EGFL6: variants seen among roughly 807,000 people sequenced by gnomAD.
The protein encoded by EGFL6 is epidermal growth factor-like protein 6.
Under a neutral mutation model 43.1 loss-of-function variants are expected in EGFL6, and 42 were observed. The ratio of observed to expected loss-of-function variants is 0.98; its 90% CI spans 0.76 to 1.26. EGFL6 has a LOEUF of 1.26. EGFL6 is among the 50% of genes most tolerant of loss of function. The pLI is 0.00. For synonymous variants in EGFL6, 164 were observed against 163.2 expected, an observed-to-expected ratio of 1.01 and a Z score of -0.04; for missense variants, 429 against 427.8, an observed-to-expected ratio of 1.00 and a Z score of -0.02.
At chrX:13,573,772 T>C (rs1232459775) in intron 1 of EGFL6, among the ~76,000 whole-genome samples, 1 of 104,314 alleles carries the variant, frequency 9.6e-6, no homozygotes, top group East Asian at 2.8e-4. Flanking sequence ...GGTCTTCTGC[T>C]CTAAGACCAG....
chrX:13,593,688 T>G (rs1254157416), intron 2 of EGFL6, among the ~76,000 whole-genome samples: 1 of 111,917 alleles, frequency 8.9e-6, no homozygotes, highest in African/African-American at 3.3e-5. Flanking sequence ...ATTAGCTAGA[T>G]AGATAGTTGT....
intron 9 of EGFL6, among the ~76,000 whole-genome samples, chrX:13,622,747 G>A (rs2045755214): frequency 8.9e-6 from 1 of 112,535 alleles, no homozygotes; most frequent in Non-Finnish European, 1.9e-5. Context: ...GTGAATGAAT[G>A]GGCATAGTGT....
intron 7 of EGFL6, 126 bp from the exon 8 acceptor site, chrX:13,617,604 A>G (rs2045725790): frequency 3.7e-6 from 2 of 542,716 alleles, no homozygotes; most frequent in Non-Finnish European, 3.1e-6. Flanking sequence ...ATCAAATAGT[A>G]GAGCCTCATG....
Position 13,589,644 on chromosome X carries a change from A to G in EGFL6, c.163A>G (p.Arg55Gly), listed in dbSNP as rs749276441. 2.4e-5 allele frequency: 29 copies of G among 1,210,745 alleles called. No individual in the cohort carries two copies. The highest frequency in any genetic ancestry group is 3.1e-5 in the Non-Finnish European group (28 of 894,686). ...ACTGGCCTGCTGCTACGGCTGGAGA[A>G]GAAACAGCAAGGGAGTCTGTGAAGG... ...TKLACCYGWRRNSKGVCEATC... is the reference protein window; with the variant it reads ...TKLACCYGWRGNSKGVCEATC... The change falls in exon 2 of 12, where the codon AGA becomes GGA. Residue 55 changes from arginine to glycine, a missense_variant. Coordinates refer to ENST00000361306, the MANE Select transcript of EGFL6 (RefSeq NM_015507.4).
At position 13,599,919 on chromosome X, in the gene EGFL6, A is replaced by G; in HGVS notation, c.281-56A>G. On this transcript the variant is annotated intron_variant, in intron 3 of 11. Transcript: ENST00000361306. ...CCAAGACTGGGGTCTAATATTCCCC[A>G]TCTGGAAGTTTCCTGATTCAGTTCA... is the stretch of plus-strand genomic sequence containing the variant. The G allele has an allele frequency of 3.4e-6, 4 of 1,184,577 alleles. No individual in the cohort carries two copies. In the African/African-American group the frequency reaches 7.0e-5, roughly 21 times the overall value.
chrX:13,599,754 T>C (rs1475970549), intron 3 of EGFL6, among the ~76,000 whole-genome samples: 2 of 110,521 alleles, frequency 1.8e-5, no homozygotes, highest in African/African-American at 6.6e-5. Context: ...CAAAGTGTTG[T>C]ACCAATTTAC....
chrX:13,623,631 C>T (rs777605333), intron 9 of EGFL6, among the ~76,000 whole-genome samples, 193 bp from the exon 10 acceptor site: 1 of 108,276 alleles, frequency 9.2e-6, no homozygotes, highest in Non-Finnish European at 1.9e-5. Flanking sequence ...CTCAGCCTCC[C>T]AAAGCTTTTT....
intron 11 of EGFL6, among the ~76,000 whole-genome samples, chrX:13,631,927 A>G (rs2045813224): frequency 8.9e-6 from 1 of 112,235 alleles, no homozygotes; most frequent in Non-Finnish European, 1.9e-5. Context: ...ATTTTGTTAA[A>G]TGAGTCCCCT....
At position 13,594,893 on chromosome X, in the gene EGFL6, G is replaced by T; in HGVS notation, c.245G>T (p.Cys82Phe). 8.3e-7 allele frequency: 1 copy of T among 1,210,923 alleles called. No homozygotes were observed. Among genetic ancestry groups the T allele is most frequent in the Non-Finnish European group, 1.1e-6 (1 of 894,847 alleles). ...GECVGPNKCR[C>F]FPGYTGKTCS... The stretch of plus-strand genomic sequence containing the variant: ...TGCGTGGGACCAAACAAATGCAGAT[G>T]CTTTCCAGGATACACCGGGAAAACC... The change falls in exon 3 of 12, where the codon TGC (cysteine) becomes TTC (phenylalanine). Residue 82 changes from cysteine (C) to phenylalanine (F), a missense_variant. Cys to Phe is a radical substitution (Grantham distance 205, BLOSUM62 -2). Transcript: ENST00000361306.
intron 1 of EGFL6, among the ~76,000 whole-genome samples, chrX:13,586,250 G>A (rs2045533010): frequency 1.8e-5 from 2 of 111,831 alleles, no homozygotes; most frequent in Non-Finnish European, 3.8e-5. Context: ...AACAAGTGCT[G>A]GTGAGGATGT....
chrX:13,602,669 A>C (rs1438880067), intron 4 of EGFL6, among the ~76,000 whole-genome samples: 1 of 111,672 alleles, frequency 9.0e-6, no homozygotes, highest in Admixed American at 9.5e-5. Flanking sequence ...TATCTTTTCC[A>C]GAAGCCCCAC....
intron 1 of EGFL6, among the ~76,000 whole-genome samples, chrX:13,580,009 A>G (rs2045496722): frequency 9.0e-6 from 1 of 111,430 alleles, no homozygotes; most frequent in Non-Finnish European, 1.9e-5. Flanking sequence ...CATCACTCCC[A>G]CAGTATTCTT....
chrX:13,612,332 C>T (rs1479248642), intron 7 of EGFL6, among the ~76,000 whole-genome samples: 1 of 107,911 alleles, frequency 9.3e-6, no homozygotes, highest in Non-Finnish European at 1.9e-5. Flanking sequence ...TTAGTGGACA[C>T]AGCACATGTT....
At chrX:13,601,645 G>A (rs59007110) in intron 4 of EGFL6, among the ~76,000 whole-genome samples, 1,382 of 112,170 alleles carry the variant, frequency 0.012, 19 homozygotes, top group African/African-American at 0.042. Flanking sequence ...CACCAGTCAC[G>A]TAGATCTTCT....
At chrX:13,598,821 ATTCATATATATAT>A (rs939063376) in intron 3 of EGFL6, among the ~76,000 whole-genome samples, 11 of 101,962 alleles carry the variant, frequency 1.1e-4, no homozygotes, top group African/African-American at 1.8e-4. Flanking sequence ...CATATATATA[ATTCATATATATAT>A]TTCATATATA....
At chrX:13,569,980 A>T (rs1273674985) in intron 1 of EGFL6, 45 bp downstream of exon 1, 1 of 1,176,973 alleles carries the variant, frequency 8.5e-7, no homozygotes, top group Non-Finnish European at 1.2e-6. Flanking sequence ...CCCCGGCCTG[A>T]GGTCCCGCTT....
intron 10 of EGFL6, chrX:13,625,054 T>G (rs1184858363): frequency 8.9e-6 from 1 of 112,042 alleles, no homozygotes; most frequent in Non-Finnish European, 1.9e-5. Flanking sequence ...CAGAGCTATA[T>G]CATATTGGGA....
intron 11 of EGFL6, among the ~76,000 whole-genome samples, chrX:13,631,259 G>A: frequency 9.0e-6 from 1 of 111,559 alleles, no homozygotes; most frequent in Non-Finnish European, 1.9e-5. Flanking sequence ...CTCTAAATCT[G>A]CTTATTTCGG....
rs759918341 is a variant in EGFL6 at position 13,623,910 on chromosome X, G to A, written c.1270G>A (p.Ala424Thr). 3 of 1,196,139 alleles carry A rather than the reference G, an allele frequency of 2.5e-6. No individual in the cohort carries two copies. The African/African-American group carries it at 5.3e-5, about 21-fold the overall frequency. The part of the protein sequence containing the change: ...DREDDFDWNP[A>T]DRDNAIGFYM... The stretch of plus-strand genomic sequence containing the variant: ...AGAAGATGATTTTGACTGGAATCCT[G>A]CTGATCGAGATAATGGTATTTATAT... The change falls in exon 10 of 12, where the codon GCT becomes ACT. Residue 424 changes from alanine (A) to threonine (T), a missense_variant. Transcript: ENST00000361306.
Sources: gnomAD v4.1 joint callset for allele counts (sites outside exome capture counted in the v4.1 genomes callset) on GRCh38, gnomAD v4.1.1 for gene constraint, MANE v1.5 for transcripts, NCBI Gene and HGNC (gene_info 2026-07-23, HGNC 2026-07-21) for gene names.